Variants in DBH observed in about 807,000 individuals in gnomAD.
DBH encodes dopamine beta-hydroxylase.
A neutral mutation model predicts 64.0 loss-of-function variants in DBH; 49 were observed. The observed-to-expected ratio is 0.77, with a 90% confidence interval of 0.61 to 0.97. The LOEUF (loss-of-function observed/expected upper bound fraction) is 0.97. Ranked by LOEUF, DBH falls within the 50% of genes least tolerant of loss-of-function variation. DBH has a pLI of 0.00. For missense variants in DBH, 828 were observed against 826.6 expected (o/e 1.00, Z -0.02); for synonymous variants, 343 against 347.1 (o/e 0.99, Z 0.13).
In DBH at chr9:133,643,401, G is replaced by C. The variant is rs1832140435; in HGVS notation, c.745-12G>C. The C allele has an allele frequency of 3.1e-6, 5 of 1,613,644 alleles. No homozygotes were observed. The highest frequency in any genetic ancestry group is 3.4e-6 in the Non-Finnish European group (4 of 1,179,978). ...GGCCGGTTCCCGGGCTCAGAGGGCT[G>C]CCTCCTCACAGTACGAGCCCATCGT... is the stretch of plus-strand genomic sequence containing the variant. On this transcript the variant is annotated splice_polypyrimidine_tract_variant and intron_variant, in intron 3 of 11. Coordinates refer to ENST00000393056, the MANE Select transcript of DBH (RefSeq NM_000787.4). This position sits in a 1 kb window ranked among gnomAD's most constrained non-coding sequence, Gnocchi z 5.3.
At chr9:133,651,566 T>C in intron 6 of DBH, 68 bp from the exon 7 acceptor site, 2 of 1,600,984 alleles carry the variant, frequency 1.2e-6, no homozygotes, top group Non-Finnish European at 1.7e-6. Flanking sequence ...CCCTACCGGG[T>C]CCTGGCCATG....
chr9:133,658,371 C>A lies in DBH; in HGVS notation c.1778C>A (p.Thr593Asn), dbSNP rs551844036. Residue 593 changes from threonine to asparagine, a missense_variant, in exon 12 of 12, where the codon ACC (threonine) becomes AAC (asparagine). Thr to Asn is a moderately conservative substitution (Grantham distance 65, BLOSUM62 0). Coordinates refer to ENST00000393056, the MANE Select transcript of DBH (RefSeq NM_000787.4). Reference sequence around the variant, plus strand: ...GTCATCTCCACACTGGAAGAGCCCACCCCACAGTGCCCCACCAGCCAGGGC... The same window carrying A: ...GTCATCTCCACACTGGAAGAGCCCAACCCACAGTGCCCCACCAGCCAGGGC... ...PKVISTLEEP[T>N]PQCPTSQGRS... is the part of the protein sequence containing the mutation. 13 of 1,613,904 alleles carry A rather than the reference C, an allele frequency of 8.1e-6. No individual in the cohort carries two copies. In the East Asian group the frequency reaches 2.9e-4, roughly 36 times the overall value.
intron 2 of DBH, among the ~76,000 whole-genome samples, chr9:133,640,883 A>G (rs1832109439): frequency 6.6e-6 from 1 of 152,218 alleles, no homozygotes; most frequent in African/African-American, 2.4e-5. Flanking sequence ...TTTCCATGGG[A>G]AAGGCCAGGC....
At chr9:133,647,191 C>T (rs887391323) in intron 5 of DBH, among the ~76,000 whole-genome samples, 1 of 152,192 alleles carries the variant, frequency 6.6e-6, no homozygotes, top group Non-Finnish European at 1.5e-5. Flanking sequence ...TTCCTTGGGT[C>T]TGCAGGACAT....
At chr9:133,647,464 T>C (rs1224603917) in intron 5 of DBH, among the ~76,000 whole-genome samples, 1 of 152,234 alleles carries the variant, frequency 6.6e-6, no homozygotes, top group Non-Finnish European at 1.5e-5. Flanking sequence ...TGAAACAATC[T>C]GAGCACAGAA....
intron 6 of DBH, among the ~76,000 whole-genome samples, chr9:133,649,499 T>A (rs949677024): frequency 1.3e-5 from 2 of 152,212 alleles, no homozygotes; most frequent in African/African-American, 4.8e-5. Flanking sequence ...TTAGAGTGGA[T>A]TTTCCTTCCT....
rs1832127911 is a variant in DBH, at chr9:133,642,402, A to T, written c.682A>T (p.Thr228Ser). The T allele has an allele frequency of 6.2e-7, 1 of 1,613,984 alleles. No individual in the cohort carries two copies. The highest frequency in any genetic ancestry group is 2.2e-5 in the East Asian group (1 of 44,874). ...CAATATCCAGATCCCCAGCCAGGAG[A>T]CCACGTACTGGTGCTACATTAAGGA... The part of the protein sequence containing the change: ...APNIQIPSQE[T>S]TYWCYIKELP... The change falls in exon 3 of 12, where the codon ACC becomes TCC. Residue 228 changes from threonine (T) to serine (S), a missense_variant. Physicochemically the swap from Thr to Ser is moderately conservative, Grantham distance 58 (BLOSUM62 1). Coordinates refer to ENST00000393056, the MANE Select transcript of DBH (RefSeq NM_000787.4).
chr9:133,637,230 C>T (rs1297984042), intron 1 of DBH, among the ~76,000 whole-genome samples: 2 of 152,236 alleles, frequency 1.3e-5, no homozygotes, highest in Non-Finnish European at 1.5e-5. Context: ...AGACACCCTG[C>T]CCCTACCCAT....
rs1374157500 is a variant in DBH, at chr9:133,643,554, C to T, written c.886C>T (p.Arg296Cys). 3.7e-6 allele frequency: 6 copies of T among 1,613,496 alleles called. No individual in the cohort carries two copies. Among genetic ancestry groups the T allele is most frequent in the Middle Eastern group, 1.6e-4 (1 of 6,080 alleles). The change falls in exon 4 of 12, where the codon CGC becomes TGC. Residue 296 changes from arginine (R) to cysteine (C), a missense_variant. Coordinates refer to ENST00000393056, the MANE Select transcript of DBH (RefSeq NM_000787.4). The surrounding 1 kb of genome is among the most constrained non-coding windows in gnomAD (Gnocchi z 5.3). ...KMKPDRLNYC[R>C]HVLAAWALGA... ...GAAACCCGACCGCCTCAACTACTGCCGCCACGTGCTGGCCGCCTGGGCCCT... is the reference window on the plus strand; with the variant it reads ...GAAACCCGACCGCCTCAACTACTGCTGCCACGTGCTGGCCGCCTGGGCCCT...
chr9:133,638,666 C>T (rs749573601), intron 1 of DBH, among the ~76,000 whole-genome samples: 5 of 151,874 alleles, frequency 3.3e-5, no homozygotes, highest in African/African-American at 1.2e-4. Context: ...TGGTGTGGGT[C>T]GGAATGTTAG....
intron 6 of DBH, among the ~76,000 whole-genome samples, chr9:133,648,528 A>G (rs1310542274): frequency 6.6e-6 from 1 of 152,226 alleles, no homozygotes; most frequent in Admixed American, 6.5e-5. Flanking sequence ...AATGGGAGGC[A>G]TTTTTCTGGT....
At position 133,639,836 on chromosome 9, in the gene DBH, G is replaced by A. The variant is rs1368646024; in HGVS notation, c.340-10G>A. On this transcript the variant is annotated splice_polypyrimidine_tract_variant and intron_variant, in intron 1 of 11. Transcript: ENST00000393056. ...CCTTCATGCCTGGAGCCCAGTGCTT[G>A]TCTCTGCAGGACGCCTGGAGTGACC... is the stretch of plus-strand genomic sequence containing the variant. 5 of 1,608,148 alleles carry A rather than the reference G, an allele frequency of 3.1e-6. No individual in the cohort carries two copies. The highest frequency in any genetic ancestry group is 4.2e-6 in the Non-Finnish European group (5 of 1,178,170).
At chr9:133,644,465 C>A in intron 5 of DBH, 145 bp downstream of exon 5, 1 of 742,488 alleles carries the variant, frequency 1.3e-6, no homozygotes, top group East Asian at 2.7e-5. Flanking sequence ...TCTGCCTCAT[C>A]CGCTGTCCAT....
At chr9:133,653,246 T>G (rs1832273384) in intron 9 of DBH, among the ~76,000 whole-genome samples, 1 of 152,094 alleles carries the variant, frequency 6.6e-6, no homozygotes, top group South Asian at 2.1e-4. Context: ...GGGCAATCCA[T>G]GTTTTAACAA....
At chr9:133,647,783 C>T (rs779464607) in intron 5 of DBH, 63 bp from the exon 6 acceptor site, 71 of 1,599,650 alleles carry the variant, frequency 4.4e-5, no homozygotes, top group South Asian at 1.9e-4. Context: ...ATAATCTGTC[C>T]GCAGGGGGAA....
intron 9 of DBH, among the ~76,000 whole-genome samples, chr9:133,653,958 C>T (rs1832281536): frequency 6.6e-6 from 1 of 152,162 alleles, no homozygotes; most frequent in Non-Finnish European, 1.5e-5. Context: ...AATTGTGTGG[C>T]TCAAGTGGAG....
intron 6 of DBH, 81 bp downstream of exon 6, chr9:133,648,093 A>C (rs1221607896): frequency 2.7e-6 from 4 of 1,487,134 alleles, no homozygotes; most frequent in Non-Finnish European, 3.6e-6. Context: ...TGGCCCACGA[A>C]GGGTGGCAGG....
intron 9 of DBH, among the ~76,000 whole-genome samples, chr9:133,654,364 G>A (rs1483978169): frequency 6.6e-6 from 1 of 152,208 alleles, no homozygotes; most frequent in Non-Finnish European, 1.5e-5. Context: ...TTACAGGCAT[G>A]AGCCATAGCA....
rs45475093 is a variant in DBH at position 133,652,943 on chromosome 9, G to A, written c.1378G>A (p.Asp460Asn). The change falls in exon 9 of 12, where the codon GAT (aspartate) becomes AAT (asparagine). Residue 460 changes from aspartate to asparagine, a missense_variant. Coordinates refer to ENST00000393056, the MANE Select transcript of DBH (RefSeq NM_000787.4). ...GGTCACATTGGCTTTTCCTCAGGGA[G>A]ATGTGCTCATCACCTCCTGCACGTA... ...LKKVVSVHPG[D>N]VLITSCTYNT... 9.9e-6 allele frequency: 16 copies of A among 1,613,336 alleles called. No individual in the cohort carries two copies. Among genetic ancestry groups the A allele is most frequent in the African/African-American group, 4.0e-5 (3 of 74,900 alleles).
Sources: allele counts gnomAD v4.1 joint callset (sites outside exome capture counted in the v4.1 genomes callset), GRCh38; gene constraint gnomAD v4.1.1; non-coding constraint Gnocchi (gnomAD v3.1); transcripts MANE v1.5; gene names NCBI Gene and HGNC (gene_info 2026-07-23, HGNC 2026-07-21).